Variants in KCNS1 observed in about 807,000 individuals in gnomAD.
The protein encoded by KCNS1 is delayed-rectifier potassium channel regulatory subunit KCNS1.
Under a neutral mutation model 33.1 loss-of-function variants are expected in KCNS1, and 26 were observed. The ratio of observed to expected loss-of-function variants is 0.79; its 90% CI spans 0.58 to 1.09. The LOEUF is 1.09. Among genes scored for constraint, KCNS1 ranks in the 50% least tolerant of loss-of-function variants. KCNS1 has a pLI of 0.00. For synonymous variants in KCNS1, 299 were observed against 338.8 expected (o/e 0.88, Z 1.29); for missense variants, 702 against 752.4 (o/e 0.93, Z 0.78).
In KCNS1 at chr20:45,097,916, C is replaced by G. The variant is rs778407741; in HGVS notation, c.856G>C (p.Glu286Gln). 20 of 1,601,106 alleles carry G rather than the reference C, an allele frequency of 1.2e-5. No individual in the cohort carries two copies. The highest frequency in any genetic ancestry group is 1.7e-4 in the Middle Eastern group (1 of 6,046). Residue 286 changes from glutamate to glutamine, a missense_variant, in exon 3 of 4, where the codon GAG (glutamate) becomes CAG (glutamine). Transcript: ENST00000537075. ...EYFCIAWFSFEVSSRLLLAPS... is the reference protein window; with the variant it reads ...EYFCIAWFSFQVSSRLLLAPS... ...GCCAGCAGGAGGCGCGACGACACCT[C>G]GAAGCTGAACCAGGCGATGCAGAAG...
In KCNS1 at chr20:45,098,885, T is replaced by A. The variant is rs1195562974; in HGVS notation, c.77-190A>T. Among the ~76,000 whole-genome samples the A allele has an allele frequency of 6.6e-6, 1 of 152,114 alleles. No homozygotes were observed. Among genetic ancestry groups the A allele is most frequent in the Non-Finnish European group, 1.5e-5 (1 of 68,008 alleles). Reference sequence around the variant, plus strand: ...TCAGAGTCAGGCCTGGCTTTGACTATCCTTCATCCCCATCATTTGACTTTG... The same window carrying A: ...TCAGAGTCAGGCCTGGCTTTGACTAACCTTCATCCCCATCATTTGACTTTG... On this transcript the variant is annotated intron_variant, in intron 2 of 3. Coordinates refer to ENST00000537075, the MANE Select transcript of KCNS1 (RefSeq NM_001322799.2). The surrounding 1 kb of genome is among the most constrained non-coding windows in gnomAD (Gnocchi z 5.2).
At chr20:45,097,610 CG>C in intron 3 of KCNS1, 51 bp downstream of exon 3, 1 of 1,519,366 alleles carries the variant, frequency 6.6e-7, no homozygotes, top group Non-Finnish European at 8.8e-7. Flanking sequence ...GCTAACCTGC[CG>C]GATGGCTACA....
rs1023321676 is a variant in KCNS1, at chr20:45,095,113, G to T, written c.1338C>A (p.Ile446=). The change falls in exon 4 of 4, where the codon ATC becomes ATA. Residue 446 remains isoleucine, a synonymous_variant. Coordinates refer to ENST00000537075, the MANE Select transcript of KCNS1 (RefSeq NM_001322799.2). The part of the protein sequence containing the change: ...LAASGCILGG[I]LVVALPITII... ...TGGTGATGGGGAGTGCTACCACCAGGATGCCCCCTAGGATGCAGCCTGAGG... is the reference window on the plus strand; with the variant it reads ...TGGTGATGGGGAGTGCTACCACCAGTATGCCCCCTAGGATGCAGCCTGAGG... 2 of 1,613,902 alleles carry T rather than the reference G, an allele frequency of 1.2e-6. No individual in the cohort carries two copies. The highest frequency in any genetic ancestry group is 1.7e-6 in the Non-Finnish European group (2 of 1,179,920).
At chr20:45,097,598 C>T (rs2145513550) in intron 3 of KCNS1, 64 bp downstream of exon 3, 5 of 1,478,098 alleles carry the variant, frequency 3.4e-6, no homozygotes, top group Non-Finnish European at 4.5e-6. Context: ...GTAAGTTCAC[C>T]TGCTAACCTG....
In KCNS1 at chr20:45,099,211, G is replaced by A; in HGVS notation, c.26C>T (p.Thr9Ile). 6.5e-7 allele frequency: 1 copy of A among 1,544,140 alleles called. No homozygotes were observed. The highest frequency in any genetic ancestry group is 1.4e-5 in the African/African-American group (1 of 72,956). MLMLLVRG[T>I]HYENLRSKVV... Reference sequence around the variant, plus strand: ...TTTAGACCGGAGGTTCTCATAGTGTGTTCCCCGGACCAGCAGCATCAGCAT... The same window carrying A: ...TTTAGACCGGAGGTTCTCATAGTGTATTCCCCGGACCAGCAGCATCAGCAT... The change falls in exon 2 of 4, where the codon ACA becomes ATA. Residue 9 changes from threonine (T) to isoleucine (I), a missense_variant. Transcript: ENST00000537075.
chr20:45,098,771 C>G lies in KCNS1; in HGVS notation c.77-76G>C. ...GAAGACCAGGTTAAAATCCCCTCCT[C>G]CATCCAACCAGCCAAGGGGTGTTGG... On this transcript the variant is annotated intron_variant, in intron 2 of 3. Coordinates refer to ENST00000537075, the MANE Select transcript of KCNS1 (RefSeq NM_001322799.2). This position sits in a 1 kb window ranked among gnomAD's most constrained non-coding sequence, Gnocchi z 5.2. The G allele has an allele frequency of 8.0e-7, 1 of 1,243,758 alleles. No homozygotes were observed. 77.0% of individuals were successfully genotyped at this position (1,243,758 alleles called of 1,614,324 possible). A position where few individuals can be genotyped will look rare whatever the true frequency, so the allele number is the denominator to read the frequency against.
At position 45,098,750 on chromosome 20, in the gene KCNS1, A is replaced by C; in HGVS notation, c.77-55T>G. 1 of 1,296,072 alleles carries C rather than the reference A, an allele frequency of 7.7e-7. No homozygotes were observed. The highest frequency in any genetic ancestry group is 9.8e-7 in the Non-Finnish European group (1 of 1,019,572). 80.3% of individuals were successfully genotyped at this position (1,296,072 alleles called of 1,614,324 possible). ...GTTCCCGGGCTTCCCTTCCTGGAAG[A>C]CCAGGTTAAAATCCCCTCCTCCATC... On this transcript the variant is annotated intron_variant, in intron 2 of 3. Coordinates refer to ENST00000537075, the MANE Select transcript of KCNS1 (RefSeq NM_001322799.2). The surrounding 1 kb of genome is among the most constrained non-coding windows in gnomAD (Gnocchi z 5.2).
chr20:45,099,540 GT>G (rs1273342947), intron 1 of KCNS1, among the ~76,000 whole-genome samples: 4 of 152,176 alleles, frequency 2.6e-5, no homozygotes, highest in Non-Finnish European at 4.4e-5. Context: ...AAATGACCTA[GT>G]GTCTTTCTTG....
In KCNS1 at chr20:45,099,249, T is replaced by A; in HGVS notation, c.-3-10A>T. The A allele has an allele frequency of 1.5e-6, 2 of 1,366,046 alleles. No homozygotes were observed. The highest frequency in any genetic ancestry group is 2.0e-6 in the Non-Finnish European group (2 of 977,680). 84.6% of individuals were successfully genotyped at this position (1,366,046 alleles called of 1,614,324 possible). On this transcript the variant is annotated splice_polypyrimidine_tract_variant and intron_variant, in intron 1 of 3. Coordinates refer to ENST00000537075, the MANE Select transcript of KCNS1 (RefSeq NM_001322799.2). ...GCAGCATCAGCATCACCTGGGAATT[T>A]GTCAAAGATGCAAATTCTCAGCCTG...
Position 45,098,320 on chromosome 20 carries a change from C to T in KCNS1, c.452G>A (p.Cys151Tyr). ...WGLGENALAA[C>Y]CRARYLERRL... ...CCTCTCCAGGTAGCGCGCGCGGCAG[C>T]ACGCGGCAAGCGCGTTCTCGCCTAG... Residue 151 changes from cysteine to tyrosine, a missense_variant, in exon 3 of 4, where the codon TGC (cysteine) becomes TAC (tyrosine). By Grantham distance (194) the Cys-to-Tyr change is radical. This residue lies in a region of KCNS1 where 374 missense variants were observed against 352.3 expected (regional missense o/e 1.06). Coordinates refer to ENST00000537075, the MANE Select transcript of KCNS1 (RefSeq NM_001322799.2). The surrounding 1 kb of genome is among the most constrained non-coding windows in gnomAD (Gnocchi z 5.2). 1.3e-6 allele frequency: 2 copies of T among 1,573,446 alleles called. No homozygotes were observed. Among genetic ancestry groups the T allele is most frequent in the Non-Finnish European group, 1.7e-6 (2 of 1,161,392 alleles).
At chr20:45,099,005 C>T (rs778404712) in intron 2 of KCNS1, among the ~76,000 whole-genome samples, 156 bp downstream of exon 2, 14 of 152,188 alleles carry the variant, frequency 9.2e-5, no homozygotes, top group Non-Finnish European at 1.6e-4. Flanking sequence ...GCGATGGAAT[C>T]GCAGGATGTC....
intron 3 of KCNS1, 35 bp downstream of exon 3, chr20:45,097,627 C>A: frequency 6.4e-7 from 1 of 1,566,124 alleles, no homozygotes. Context: ...CTACACCCGC[C>A]CACCCCAGCT....
intron 3 of KCNS1, among the ~76,000 whole-genome samples, chr20:45,096,568 AG>A (rs1056464913): frequency 3.7e-4 from 56 of 152,156 alleles, no homozygotes; most frequent in African/African-American, 1.3e-3. Context: ...TCTTTCTTTT[AG>A]CATTGTCTGG....
chr20:45,097,760 C>T lies in KCNS1; in HGVS notation c.1012G>A (p.Gly338Ser), dbSNP rs1356728372. The change falls in exon 3 of 4, where the codon GGC becomes AGC. Residue 338 changes from glycine (G) to serine (S), a missense_variant. Around this residue, in one of 3 missense-constraint regions of KCNS1, gnomAD observed 253 missense variants for 327.4 expected, o/e 0.77. Transcript: ENST00000537075. The stretch of plus-strand genomic sequence containing the variant: ...AGGCGGAACACCTGCACCACCTTGC[C>T]CAGGTGGCCGAACTCCTTGCCGCCC... ...DQGGKEFGHL[G>S]KVVQVFRLMR... 8 of 1,613,116 alleles carry T rather than the reference C, an allele frequency of 5.0e-6. No homozygotes were observed. Among genetic ancestry groups the T allele is most frequent in the African/African-American group, 1.3e-5 (1 of 74,948 alleles).
rs1184852594 is a variant in KCNS1, at chr20:45,098,766, C to G, written c.77-71G>C. 1.6e-6 allele frequency: 2 copies of G among 1,259,450 alleles called. No individual in the cohort carries two copies. Among genetic ancestry groups the G allele is most frequent in the Non-Finnish European group, 2.0e-6 (2 of 991,822 alleles). The allele number at this position is 1,259,450 out of a possible 1,614,324, so 78.0% of individuals were successfully genotyped here. A position where few individuals can be genotyped will look rare whatever the true frequency, so the allele number is the denominator to read the frequency against. The stretch of plus-strand genomic sequence containing the variant: ...TCCTGGAAGACCAGGTTAAAATCCC[C>G]TCCTCCATCCAACCAGCCAAGGGGT... On this transcript the variant is annotated intron_variant, in intron 2 of 3. Transcript: ENST00000537075. The surrounding 1 kb of genome is among the most constrained non-coding windows in gnomAD (Gnocchi z 5.2).
chr20:45,097,702 C>G lies in KCNS1; in HGVS notation c.1070G>C (p.Arg357Pro). The change falls in exon 3 of 4, where the codon CGC becomes CCC. Residue 357 changes from arginine (R) to proline (P), a missense_variant. By Grantham distance (103) the Arg-to-Pro change is moderately radical. This residue lies in a region of KCNS1 where 253 missense variants were observed against 327.4 expected (regional missense o/e 0.77). Transcript: ENST00000537075. ...MRIFRVLKLA[R>P]HSTGLRSLGA... ...CAGCGAGCGCAGCCCGGTGGAATGG[C>G]GCGCCAACTTGAGTACGCGGAAGAT... is the stretch of plus-strand genomic sequence containing the variant. 2 of 1,609,760 alleles carry G rather than the reference C, an allele frequency of 1.2e-6. No individual in the cohort carries two copies. The highest frequency in any genetic ancestry group is 2.2e-5 in the South Asian group (2 of 90,974).
At chr20:45,096,833 G>C (rs114994527) in intron 3 of KCNS1, among the ~76,000 whole-genome samples, 7 of 152,154 alleles carry the variant, frequency 4.6e-5, no homozygotes, top group African/African-American at 1.7e-4. Context: ...ATGACCCTTC[G>C]GTGCCCTGCC....
chr20:45,098,897 A>T lies in KCNS1; in HGVS notation c.77-202T>A, dbSNP rs951957935. Among the ~76,000 whole-genome samples the T allele has an allele frequency of 6.6e-6, 1 of 151,910 alleles. No individual in the cohort carries two copies. Among genetic ancestry groups the T allele is most frequent in the Non-Finnish European group, 1.5e-5 (1 of 67,978 alleles). On this transcript the variant is annotated intron_variant, in intron 2 of 3. Transcript: ENST00000537075. The surrounding 1 kb of genome is among the most constrained non-coding windows in gnomAD (Gnocchi z 5.2). ...CTGGCTTTGACTATCCTTCATCCCC[A>T]TCATTTGACTTTGGCCAAATCACTG... is the stretch of plus-strand genomic sequence containing the variant.
Position 45,091,753 on chromosome 20 carries a change from A to C in KCNS1, c.*3117T>G, listed in dbSNP as rs951807645. On this transcript the variant is annotated 3_prime_UTR_variant, in exon 4 of 4. Transcript: ENST00000537075. ...GCACTGGAAGACTTGACATACACAG[A>C]CACTGAAGTGAGATCAGAGGCAGAG... 6.6e-6 allele frequency among the ~76,000 whole-genome samples: 1 copy of C among 152,220 alleles called. No homozygotes were observed. Among genetic ancestry groups the C allele is most frequent in the Admixed American group, 6.5e-5 (1 of 15,288 alleles).
Sources: allele counts gnomAD v4.1 joint callset (sites outside exome capture counted in the v4.1 genomes callset), GRCh38; gene constraint gnomAD v4.1.1; regional missense constraint gnomAD v4.1.1; non-coding constraint Gnocchi (gnomAD v3.1); transcripts MANE v1.5; gene names NCBI Gene and HGNC (gene_info 2026-07-23, HGNC 2026-07-21).